MED1: variants seen among roughly 807,000 people sequenced by gnomAD.
MED1 encodes the protein mediator complex subunit 1.
Under a neutral mutation model 121.3 loss-of-function variants are expected in MED1, and 17 were observed. That is an observed-to-expected ratio of 0.14 (90% CI 0.10 to 0.21). The LOEUF (loss-of-function observed/expected upper bound fraction) is 0.21, where lower values mean the gene tolerates loss of function less well. Among genes scored for constraint, MED1 ranks in the 10% least tolerant of loss-of-function variants. The pLI, the probability that MED1 is intolerant of heterozygous loss-of-function variation, is 1.00. For synonymous variants in MED1, 661 were observed against 694.4 expected, an observed-to-expected ratio of 0.95 and a Z score of 0.76; for missense variants, 1,558 against 1,919.4, an observed-to-expected ratio of 0.81 and a Z score of 3.52.
At position 39,406,312 on chromosome 17, in the gene MED1, A is replaced by G. The variant is rs1453155676; in HGVS notation, c.*1163T>C. The G allele has an allele frequency of 2.9e-5, 29 of 985,460 alleles. No homozygotes were observed. Among genetic ancestry groups the G allele is most frequent in the Non-Finnish European group, 3.4e-5 (28 of 829,948 alleles). 61.0% of individuals were successfully genotyped at this position (985,460 alleles called of 1,614,324 possible). On this transcript the variant is annotated 3_prime_UTR_variant, in exon 17 of 17. Transcript: ENST00000300651. ...TTTTTACTGTTTTATCTCAGGGAGC[A>G]TACAGTGGAGTGATTAAAGTTTGGA...
Position 39,434,254 on chromosome 17 carries a change from C to A in MED1, c.495G>T (p.Gly165=). ...AAAATATTAAAAATACTTACTTGTC[C>A]CCTGGAAGGTTATACAGATTAACAA... is the stretch of plus-strand genomic sequence containing the variant. ...KGLVNLYNLP[G]DNKLKTKMYL... Residue 165 remains glycine (G), a synonymous_variant, in exon 7 of 17, where the codon GGG becomes GGT. Transcript: ENST00000300651. 1 of 1,545,502 alleles carries A rather than the reference C, an allele frequency of 6.5e-7. No individual in the cohort carries two copies. Among genetic ancestry groups the A allele is most frequent in the Non-Finnish European group, 8.7e-7 (1 of 1,146,672 alleles).
chr17:39,410,872 C>T (rs1285607729), intron 16 of MED1, 151 bp from the exon 17 acceptor site: 4 of 1,216,622 alleles, frequency 3.3e-6, no homozygotes, highest in East Asian at 5.2e-5. Context: ...AATACCAGAG[C>T]TTTGGGTAAA....
At chr17:39,420,335 G>A (rs1421621724) in intron 13 of MED1, among the ~76,000 whole-genome samples, 2 of 151,432 alleles carry the variant, frequency 1.3e-5, no homozygotes, top group East Asian at 1.9e-4. Flanking sequence ...GAGTAGCTGC[G>A]ACTATAGGCA....
chr17:39,404,914 T>C lies in MED1; in HGVS notation c.*2561A>G, dbSNP rs1352630512. The C allele has an allele frequency of 7.4e-6, 1 of 135,648 alleles. No individual in the cohort carries two copies. The highest frequency in any genetic ancestry group is 1.5e-5 in the Non-Finnish European group (1 of 67,600). 8.4% of individuals were successfully genotyped at this position (135,648 alleles called of 1,614,324 possible). A position where few individuals can be genotyped will look rare whatever the true frequency, so the allele number is the denominator to read the frequency against. ...ACTTCTGTTTTAAGACACATTGATA[T>C]TGAACCTGAAATCTTTATGTACATC... On this transcript the variant is annotated 3_prime_UTR_variant, in exon 17 of 17. Transcript: ENST00000300651.
At chr17:39,417,748 A>C (rs903796727) in intron 14 of MED1, among the ~76,000 whole-genome samples, 1 of 152,206 alleles carries the variant, frequency 6.6e-6, no homozygotes, top group Admixed American at 6.5e-5. Flanking sequence ...CTGACTTAAG[A>C]TTTTTAAAAT....
rs2048657912 is a variant in MED1, at chr17:39,440,001, G to GGAAA, written c.399+384_399+385insTTTC. On this transcript the variant is annotated intron_variant, in intron 5 of 16. Transcript: ENST00000300651. This position sits in a 1 kb window ranked among gnomAD's most constrained non-coding sequence, Gnocchi z 4.1. ...AAGAAAGAAAGAAGGAAGGAAGGAA[G>GGAAA]GAAGGAAGGAAGGAAGGAAAGAAAG... 8.3e-6 allele frequency among the ~76,000 whole-genome samples: 1 copy of GGAAA among 121,208 alleles called. No homozygotes were observed. Among genetic ancestry groups the GGAAA allele is most frequent in the African/African-American group, 2.9e-5 (1 of 34,798 alleles). 79.5% of individuals were successfully genotyped at this position (121,208 alleles called of 152,430 possible).
chr17:39,411,413 G>C (rs2048354502), intron 16 of MED1, among the ~76,000 whole-genome samples: 1 of 152,078 alleles, frequency 6.6e-6, no homozygotes, highest in African/African-American at 2.4e-5. Flanking sequence ...TTCGGGTCAG[G>C]AGTTTGAGAC....
chr17:39,415,748 C>T (rs961774347), intron 14 of MED1, among the ~76,000 whole-genome samples: 2 of 133,704 alleles, frequency 1.5e-5, no homozygotes, highest in Non-Finnish European at 3.1e-5. Flanking sequence ...ACCTAGGAGG[C>T]GGAGGTTGTA....
At chr17:39,447,491 A>G (rs2048739745) in intron 2 of MED1, among the ~76,000 whole-genome samples, 1 of 152,138 alleles carries the variant, frequency 6.6e-6, no homozygotes, top group South Asian at 2.1e-4. Flanking sequence ...CTATATCTAT[A>G]AGGTGTTTAT....
At chr17:39,430,682 G>C (rs2048557411) in intron 9 of MED1, among the ~76,000 whole-genome samples, 1 of 120,896 alleles carries the variant, frequency 8.3e-6, no homozygotes, top group African/African-American at 3.2e-5. Flanking sequence ...AACAGAGCAA[G>C]ACTCCGTCTT....
At chr17:39,442,272 T>C (rs559237423) in intron 3 of MED1, among the ~76,000 whole-genome samples, 3 of 152,068 alleles carry the variant, frequency 2.0e-5, no homozygotes, top group African/African-American at 7.2e-5. Context: ...ATTTGCTCCA[T>C]AAACACCGTA....
At chr17:39,412,251 G>C (rs985930874) in intron 16 of MED1, among the ~76,000 whole-genome samples, 20 of 135,616 alleles carry the variant, frequency 1.5e-4, no homozygotes, top group Admixed American at 1.3e-3. Context: ...TTTTTGAGAC[G>C]GAGTTTTGCT....
chr17:39,435,852 C>T (rs2048613391), intron 6 of MED1, among the ~76,000 whole-genome samples: 1 of 152,026 alleles, frequency 6.6e-6, no homozygotes, highest in Admixed American at 6.6e-5. Context: ...CAGACGAGCA[C>T]CACCACACCC....
In MED1 at chr17:39,407,759, G is replaced by A. The variant is rs567900582; in HGVS notation, c.4462C>T (p.Pro1488Ser). Residue 1488 changes from proline (P) to serine (S), a missense_variant, in exon 17 of 17, where the codon CCA becomes TCA. By Grantham distance (74) the Pro-to-Ser change is moderately conservative. Around this residue, in one of 5 missense-constraint regions of MED1, gnomAD observed 264 missense variants for 326.1 expected, o/e 0.81. Transcript: ENST00000300651. The stretch of plus-strand genomic sequence containing the variant: ...TTCTCTGTGCTGTATTCTGGAAGTG[G>A]TCGGATACCATCGTCTGAGCTGGGA... ...NSPSSDDGIR[P>S]LPEYSTEKHK... The A allele has an allele frequency of 6.2e-7, 1 of 1,614,018 alleles. No individual in the cohort carries two copies. Among genetic ancestry groups the A allele is most frequent in the South Asian group, 1.1e-5 (1 of 91,074 alleles).
At chr17:39,444,746 G>C (rs927542696) in intron 2 of MED1, among the ~76,000 whole-genome samples, 1 of 148,478 alleles carries the variant, frequency 6.7e-6, no homozygotes, top group East Asian at 2.0e-4. Context: ...GTACGCGCCT[G>C]TAGTCCCAGC....
rs533795109 is a variant in MED1, at chr17:39,409,703, CAGCTGG to C, written c.2512_2517del (p.Pro838_Ala839del). 865 of 1,614,102 alleles carry C rather than the reference CAGCTGG, an allele frequency of 5.4e-4. 1 individual carries two copies. Among genetic ancestry groups the C allele is most frequent in the Non-Finnish European group, 7.1e-4 (843 of 1,180,022 alleles). On this transcript the variant is annotated inframe_deletion, in exon 17 of 17. Transcript: ENST00000300651. ...CTTCCAGCAGCATCTGCAATAAGAT[CAGCTGG>C]ATCAGTGTATGGATTTTCATTATTG... is the stretch of plus-strand genomic sequence containing the variant.
chr17:39,426,424 G>T (rs8072351), intron 10 of MED1, among the ~76,000 whole-genome samples: 95,471 of 151,874 alleles, frequency 0.63, 32,760 homozygotes, highest in South Asian at 0.89. Flanking sequence ...TCCAGCCTGG[G>T]TGACAGAGTG....
chr17:39,442,564 T>C (rs1195942221), intron 3 of MED1, among the ~76,000 whole-genome samples: 1 of 122,910 alleles, frequency 8.1e-6, no homozygotes, highest in African/African-American at 3.2e-5. Flanking sequence ...GCCACTGCAC[T>C]CCAGCCTGGG....
chr17:39,419,893 T>C lies in MED1; in HGVS notation c.1121A>G (p.Tyr374Cys). 1 of 1,613,984 alleles carries C rather than the reference T, an allele frequency of 6.2e-7. No homozygotes were observed. The highest frequency in any genetic ancestry group is 8.5e-7 in the Non-Finnish European group (1 of 1,179,936). ...YAALPGQQHC[Y>C]FLNKDAPLPD... ...AAGAGGAGCATCCTTGTTGAGGAAA[T>C]AGCAGTGCTGCTGACCAGGAAGAGC... is the stretch of plus-strand genomic sequence containing the variant. Residue 374 changes from tyrosine to cysteine, a missense_variant, in exon 14 of 17, where the codon TAT becomes TGT. Tyr to Cys is a radical substitution (Grantham distance 194). Transcript: ENST00000300651.
Sources: gnomAD v4.1 joint callset for allele counts (sites outside exome capture counted in the v4.1 genomes callset) on GRCh38, gnomAD v4.1.1 for gene constraint, gnomAD v4.1.1 regional missense constraint, Gnocchi (gnomAD v3.1) non-coding constraint, MANE v1.5 for transcripts, NCBI Gene and HGNC (gene_info 2026-07-23, HGNC 2026-07-21) for gene names.